The following CSNK1G3 variants were observed in gnomAD, a reference collection of about 807,000 sequenced individuals.
CSNK1G3 encodes the protein casein kinase 1 gamma 3, also known as casein kinase I isoform gamma-3.
In CSNK1G3, 23 loss-of-function variants were observed where a neutral mutation model predicts 64.3. The ratio of observed to expected loss-of-function variants is 0.36; its 90% confidence interval spans 0.26 to 0.51. The LOEUF (loss-of-function observed/expected upper bound fraction) is 0.51. Ranked by LOEUF, CSNK1G3 falls within the 20% of genes least tolerant of loss-of-function variation. The probability of loss-of-function intolerance (pLI) is 0.96; values close to 1 mark genes in which losing one functional copy is unlikely to be tolerated. For synonymous variants in CSNK1G3, 158 were observed against 162.2 expected, an observed-to-expected ratio of 0.97 and a Z score of 0.20; for missense variants, 357 against 510.5, an observed-to-expected ratio of 0.70 and a Z score of 2.90.
At chr5:123,521,365 A>G (rs1033463200) in intron 1 of CSNK1G3, among the ~76,000 whole-genome samples, 1 of 152,056 alleles carries the variant, frequency 6.6e-6, no homozygotes, top group Non-Finnish European at 1.5e-5. Context: ...ATTGTTGCTG[A>G]TGTGTCTTTA....
intron 1 of CSNK1G3, among the ~76,000 whole-genome samples, chr5:123,526,620 T>C (rs1779127030): frequency 6.6e-6 from 1 of 152,232 alleles, no homozygotes; most frequent in Non-Finnish European, 1.5e-5. Flanking sequence ...TTTCTCTTTC[T>C]ATAATTTTGC....
intron 12 of CSNK1G3, among the ~76,000 whole-genome samples, chr5:123,605,780 T>C (rs1011469753): frequency 1.3e-5 from 2 of 152,096 alleles, no homozygotes; most frequent in African/African-American, 4.8e-5. Context: ...TAAAACAGTA[T>C]TTCATTTACT....
At chr5:123,517,564 GC>G (rs1286262850) in intron 1 of CSNK1G3, among the ~76,000 whole-genome samples, 1 of 152,064 alleles carries the variant, frequency 6.6e-6, no homozygotes, top group Non-Finnish European at 1.5e-5. Context: ...AAAAAAATCT[GC>G]AATAATATTA....
chr5:123,599,571 A>G (rs1045472693), intron 10 of CSNK1G3, among the ~76,000 whole-genome samples: 6 of 152,216 alleles, frequency 3.9e-5, no homozygotes, highest in Admixed American at 3.3e-4. Flanking sequence ...AGTAGATACT[A>G]TTGTCTCAAT....
intron 1 of CSNK1G3, among the ~76,000 whole-genome samples, chr5:123,522,112 A>G (rs990865910): frequency 6.6e-6 from 1 of 152,204 alleles, no homozygotes. Flanking sequence ...GACACAGAAG[A>G]AAATGCAAAG....
intron 10 of CSNK1G3, among the ~76,000 whole-genome samples, chr5:123,601,613 G>A (rs1403996452): frequency 2.0e-5 from 3 of 152,142 alleles, no homozygotes; most frequent in African/African-American, 4.8e-5. Flanking sequence ...AAGTAAATCC[G>A]ATTATATAAT....
chr5:123,586,719 A>G (rs1791396096), intron 6 of CSNK1G3, among the ~76,000 whole-genome samples: 2 of 152,236 alleles, frequency 1.3e-5, no homozygotes, highest in Admixed American at 6.5e-5. Context: ...TTAAATAAAA[A>G]CACAAACATA....
rs775177247 is a variant in CSNK1G3 at position 123,607,720 on chromosome 5, G to A, written c.1217+2358G>A. On this transcript the variant is annotated intron_variant, in intron 12 of 12. Transcript: ENST00000345990. ...ATTTTGAAAGGATAAAGTTTATAAC[G>A]TGAAAAATATCTTAATAAAATGGTT... is the stretch of plus-strand genomic sequence containing the variant. Among the ~76,000 whole-genome samples, 7 of 152,184 alleles carry A rather than the reference G, an allele frequency of 4.6e-5. No homozygotes were observed. The East Asian group carries it at 5.8e-4, about 13-fold the overall frequency.
chr5:123,524,457 A>G (rs961441261), intron 1 of CSNK1G3, among the ~76,000 whole-genome samples: 2 of 152,200 alleles, frequency 1.3e-5, no homozygotes, highest in Non-Finnish European at 2.9e-5. Flanking sequence ...CTTTTTTAAT[A>G]ATAGAAAGAA....
At chr5:123,514,001 AC>A (rs1776699495) in intron 1 of CSNK1G3, among the ~76,000 whole-genome samples, 1 of 152,188 alleles carries the variant, frequency 6.6e-6, no homozygotes, top group South Asian at 2.1e-4. Context: ...TTATAGTTGC[AC>A]AAAAGATAAA....
chr5:123,564,423 TAG>T (rs1277554702), intron 4 of CSNK1G3, among the ~76,000 whole-genome samples: 1 of 152,026 alleles, frequency 6.6e-6, no homozygotes, highest in African/African-American at 2.4e-5. Context: ...AGTAAAAAGA[TAG>T]AAAGTATAAA....
At chr5:123,522,288 G>A (rs1047288271) in intron 1 of CSNK1G3, among the ~76,000 whole-genome samples, 35 of 152,188 alleles carry the variant, frequency 2.3e-4, no homozygotes, top group African/African-American at 8.2e-4. Context: ...CGGATCACGA[G>A]GTCAGGAGAT....
chr5:123,542,848 T>TTGTGTGTGTG (rs1561485591), intron 1 of CSNK1G3, among the ~76,000 whole-genome samples: 1 of 91,906 alleles, frequency 1.1e-5, no homozygotes, highest in African/African-American at 5.9e-5. Flanking sequence ...TGCCTAGATT[T>TTGTGTGTGTG]AGTGTGTGTG....
chr5:123,517,940 A>T (rs903195108), intron 1 of CSNK1G3, among the ~76,000 whole-genome samples: 4 of 151,818 alleles, frequency 2.6e-5, no homozygotes, highest in Non-Finnish European at 5.9e-5. Context: ...AGAAAAAAAA[A>T]AAAAAAAAGG....
chr5:123,614,591 TG>T, exon 13 of CSNK1G3: 1 of 472,292 alleles, frequency 2.1e-6, no homozygotes, highest in Non-Finnish European at 3.7e-6. Context: ...TTAACCTTTA[TG>T]GAAGCTTTAA....
chr5:123,569,657 C>T (rs1787682004), intron 4 of CSNK1G3, among the ~76,000 whole-genome samples: 1 of 152,148 alleles, frequency 6.6e-6, no homozygotes, highest in Non-Finnish European at 1.5e-5. Flanking sequence ...TTACAAAATT[C>T]AAATTGCTTG....
chr5:123,523,303 A>T (rs1778475168), intron 1 of CSNK1G3, among the ~76,000 whole-genome samples: 2 of 152,306 alleles, frequency 1.3e-5, no homozygotes, highest in South Asian at 2.1e-4. Context: ...ACACATAAAT[A>T]CACTATGATA....
chr5:123,564,130 T>G (rs1786342555), intron 4 of CSNK1G3, among the ~76,000 whole-genome samples: 1 of 152,104 alleles, frequency 6.6e-6, no homozygotes, highest in African/African-American at 2.4e-5. Context: ...ACATTGTTAC[T>G]ACTATCATAG....
At chr5:123,578,768 C>G (rs959762462) in intron 6 of CSNK1G3, among the ~76,000 whole-genome samples, 1 of 151,826 alleles carries the variant, frequency 6.6e-6, no homozygotes, top group Non-Finnish European at 1.5e-5. Context: ...TATCTGTGCT[C>G]CATCAGAATT....
Sources: gnomAD v4.1 joint callset for allele counts (sites outside exome capture counted in the v4.1 genomes callset) on GRCh38, gnomAD v4.1.1 for gene constraint, MANE v1.5 for transcripts, NCBI Gene and HGNC (gene_info 2026-07-23, HGNC 2026-07-21) for gene names.